CENPL: variants seen among roughly 807,000 people sequenced by gnomAD.
CENPL encodes the protein centromere protein L, also known as interphase centromere complex protein 33.
A neutral mutation model predicts 35.2 loss-of-function variants in CENPL; 20 were observed. The ratio of observed to expected loss-of-function variants is 0.57; its 90% CI spans 0.40 to 0.83. The LOEUF (loss-of-function observed/expected upper bound fraction) is 0.83, where lower values mean the gene tolerates loss of function less well. Ranked by LOEUF, CENPL falls within the 40% of genes least tolerant of loss-of-function variation. The pLI is 0.00. For synonymous variants in CENPL, 140 were observed against 140.6 expected (o/e 1.00, Z 0.03); for missense variants, 363 against 395.8 (o/e 0.92, Z 0.70).
rs1649631282 is a variant in CENPL at position 173,800,334 on chromosome 1, G to A, written c.*114C>T. 3 of 539,800 alleles carry A rather than the reference G, an allele frequency of 5.6e-6. No homozygotes were observed. The African/African-American group carries it at 5.8e-5, about 10-fold the overall frequency. 33.4% of individuals were successfully genotyped at this position (539,800 alleles called of 1,614,324 possible). A position where few individuals can be genotyped will look rare whatever the true frequency, so the allele number is the denominator to read the frequency against. Reference sequence around the variant, plus strand: ...CTTGGCAACTCCAAAGGCATGGTGGGGAAAACAGATGCAGAGATAGATGCC... The same window carrying A: ...CTTGGCAACTCCAAAGGCATGGTGGAGAAAACAGATGCAGAGATAGATGCC... On this transcript the variant is annotated 3_prime_UTR_variant, in exon 6 of 6. Coordinates refer to ENST00000682279, the MANE Select transcript of CENPL (RefSeq NM_001387287.1).
intron 2 of CENPL, among the ~76,000 whole-genome samples, chr1:173,812,141 G>A (rs1301536524): frequency 6.6e-6 from 1 of 151,998 alleles, no homozygotes; most frequent in African/African-American, 2.4e-5. Flanking sequence ...GCTGAGGCTT[G>A]AGTAGGTAAA....
intron 4 of CENPL, among the ~76,000 whole-genome samples, chr1:173,805,836 C>T (rs1462880159): frequency 6.9e-6 from 1 of 145,080 alleles, no homozygotes; most frequent in Non-Finnish European, 1.5e-5. Flanking sequence ...AGCTTACATC[C>T]ATGCACTTTT....
intron 3 of CENPL, among the ~76,000 whole-genome samples, chr1:173,808,819 A>G (rs1650484920): frequency 6.6e-6 from 1 of 152,198 alleles, no homozygotes; most frequent in African/African-American, 2.4e-5. Context: ...CATTCAGGAC[A>G]TAGGTACAGG....
chr1:173,820,719 A>G (rs1344603668), intron 2 of CENPL, among the ~76,000 whole-genome samples: 2 of 152,224 alleles, frequency 1.3e-5, no homozygotes, highest in Non-Finnish European at 2.9e-5. Flanking sequence ...CACACCATGT[A>G]ATAGTACTCA....
At chr1:173,819,593 C>A (rs1651746654) in intron 2 of CENPL, among the ~76,000 whole-genome samples, 1 of 144,952 alleles carries the variant, frequency 6.9e-6, no homozygotes, top group Non-Finnish European at 1.5e-5. Flanking sequence ...TCCATCTCAA[C>A]AACAACAACA....
chr1:173,803,704 C>T (rs1400533164), intron 4 of CENPL, among the ~76,000 whole-genome samples, 199 bp from the exon 5 acceptor site: 15 of 150,832 alleles, frequency 9.9e-5, no homozygotes, highest in Non-Finnish European at 1.5e-5. Flanking sequence ...TGGAGTCTCA[C>T]TCTGTCGCCC....
At chr1:173,813,879 G>A (rs9425419) in intron 2 of CENPL, among the ~76,000 whole-genome samples, 13,813 of 151,964 alleles carry the variant, frequency 0.091, 2,032 homozygotes, top group African/African-American at 0.31. Context: ...ACACAGACCG[G>A]CAAATTGGAT....
intron 4 of CENPL, chr1:173,806,703 T>G (rs1650266858): frequency 5.8e-6 from 1 of 173,148 alleles, no homozygotes; most frequent in African/African-American, 2.4e-5. Context: ...TTGTATTTTT[T>G]GTAGAAATGG....
chr1:173,818,575 G>C (rs749763783), intron 2 of CENPL, among the ~76,000 whole-genome samples: 1 of 152,050 alleles, frequency 6.6e-6, no homozygotes, highest in Non-Finnish European at 1.5e-5. Flanking sequence ...ATTTTTATCT[G>C]TTATCTGTTA....
Position 173,816,001 on chromosome 1 carries a change from A to T in CENPL, c.-7-4695T>A, listed in dbSNP as rs201568150. Among the ~76,000 whole-genome samples, 15 of 152,200 alleles carry T rather than the reference A, an allele frequency of 9.9e-5. No homozygotes were observed. The East Asian group carries it at 1.7e-3, about 18-fold the overall frequency. On this transcript the variant is annotated intron_variant, in intron 2 of 5. Coordinates refer to ENST00000682279, the MANE Select transcript of CENPL (RefSeq NM_001387287.1). The stretch of plus-strand genomic sequence containing the variant: ...AACTTCAGCAAAGTCTCAGGATACA[A>T]AATCAATGTGCAAAAATCACAAGCA...
intron 5 of CENPL, among the ~76,000 whole-genome samples, chr1:173,801,103 C>T (rs1649708919): frequency 6.6e-6 from 1 of 152,178 alleles, no homozygotes; most frequent in South Asian, 2.1e-4. Context: ...AGAGTATTGA[C>T]TTATTGGATC....
In CENPL at chr1:173,824,517, C is replaced by T. The variant is rs1049808384; in HGVS notation, c.-407G>A. On this transcript the variant is annotated 5_prime_UTR_variant, in exon 1 of 6. Transcript: ENST00000682279. ...CAAGGCCGAGCCACTTAACCACTAT[C>T]GTCAACCTTTCCAATCGTGCTCGGT... 2 of 152,840 alleles carry T rather than the reference C, an allele frequency of 1.3e-5. No homozygotes were observed. Among genetic ancestry groups the T allele is most frequent in the African/African-American group, 2.4e-5 (1 of 41,466 alleles). 9.5% of individuals were successfully genotyped at this position (152,840 alleles called of 1,614,324 possible). A position where few individuals can be genotyped will look rare whatever the true frequency, so the allele number is the denominator to read the frequency against.
intron 3 of CENPL, among the ~76,000 whole-genome samples, chr1:173,809,804 T>TA (rs1468530417): frequency 6.7e-6 from 1 of 150,132 alleles, no homozygotes; most frequent in Non-Finnish European, 1.5e-5. Flanking sequence ...TATTACAAAG[T>TA]AAAAAAACAA....
intron 2 of CENPL, among the ~76,000 whole-genome samples, chr1:173,814,907 T>G (rs964325137): frequency 2.0e-5 from 3 of 152,118 alleles, no homozygotes; most frequent in Non-Finnish European, 4.4e-5. Context: ...GCTGGTTTTT[T>G]GAAAAGATCA....
At chr1:173,809,691 A>G (rs534666712) in intron 3 of CENPL, among the ~76,000 whole-genome samples, 17 of 152,134 alleles carry the variant, frequency 1.1e-4, no homozygotes, top group Non-Finnish European at 2.2e-4. Flanking sequence ...GACATACATG[A>G]GGCCAACAAT....
At chr1:173,821,071 A>C (rs1002545639) in intron 2 of CENPL, among the ~76,000 whole-genome samples, 5 of 152,224 alleles carry the variant, frequency 3.3e-5, no homozygotes, top group Non-Finnish European at 5.9e-5. Context: ...TTTCAAAGGG[A>C]ATTTTAATCA....
rs1649588093 is a variant in CENPL, at chr1:173,799,748, A to G, written c.*700T>C. The G allele has an allele frequency of 6.6e-6, 1 of 152,264 alleles. No individual in the cohort carries two copies. Among genetic ancestry groups the G allele is most frequent in the African/African-American group, 2.4e-5 (1 of 41,460 alleles). 9.4% of individuals were successfully genotyped at this position (152,264 alleles called of 1,614,324 possible). ...AGAATTCTTTCTGAATGCAAGTCTA[A>G]AATGCTTAAAAGAGATTAAAGGTTT... On this transcript the variant is annotated 3_prime_UTR_variant, in exon 6 of 6. Transcript: ENST00000682279.
At chr1:173,815,656 T>C (rs1571965451) in intron 2 of CENPL, among the ~76,000 whole-genome samples, 1 of 152,116 alleles carries the variant, frequency 6.6e-6, no homozygotes, top group Non-Finnish European at 1.5e-5. Context: ...CTAAAAACTC[T>C]CCATAAACTA....
Position 173,803,158 on chromosome 1 carries a change from T to C in CENPL, c.768A>G (p.Ile256Met). 1 of 1,613,886 alleles carries C rather than the reference T, an allele frequency of 6.2e-7. No homozygotes were observed. The highest frequency in any genetic ancestry group is 8.5e-7 in the Non-Finnish European group (1 of 1,179,724). Residue 256 changes from isoleucine (I) to methionine (M), a missense_variant, in exon 5 of 6, where the codon ATA (isoleucine) becomes ATG (methionine). Ile to Met is a conservative substitution (Grantham distance 10). Transcript: ENST00000682279. ...ATAGAGCTTTTGCATCCTCTGGATG[T>C]ATTGCGAAAGAAATGTCCAGACTTT... is the stretch of plus-strand genomic sequence containing the variant. Reference protein sequence around the residue: ...SPQSLDISFAIHPEDAKALWD... With the variant: ...SPQSLDISFAMHPEDAKALWD...
Sources: allele counts gnomAD v4.1 joint callset (sites outside exome capture counted in the v4.1 genomes callset), GRCh38; gene constraint gnomAD v4.1.1; transcripts MANE v1.5; gene names NCBI Gene and HGNC (gene_info 2026-07-23, HGNC 2026-07-21).